The following SCRN1 variants were observed in gnomAD, a reference collection of about 807,000 sequenced individuals.
SCRN1 encodes the protein secernin 1.
SCRN1 carries 19 observed loss-of-function variants against 43.3 expected under a neutral mutation model. The ratio of observed to expected loss-of-function variants is 0.44; its 90% CI spans 0.31 to 0.64. The LOEUF is 0.64. Among genes scored for constraint, SCRN1 ranks in the 30% least tolerant of loss-of-function variants. The pLI is 0.09. For synonymous variants in SCRN1, 183 were observed against 188.9 expected, an observed-to-expected ratio of 0.97 and a Z score of 0.26; for missense variants, 447 against 524.1, an observed-to-expected ratio of 0.85 and a Z score of 1.44.
intron 1 of SCRN1, among the ~76,000 whole-genome samples, chr7:29,984,204 C>CAAAAAA (rs55733700): frequency 5.1e-5 from 5 of 98,248 alleles, no homozygotes; most frequent in East Asian, 3.4e-4. Flanking sequence ...AGACAGTCTC[C>CAAAAAA]AAAAAAAAAA....
At chr7:29,929,127 C>T (rs905137246) in intron 6 of SCRN1, among the ~76,000 whole-genome samples, 4 of 152,232 alleles carry the variant, frequency 2.6e-5, no homozygotes, top group African/African-American at 9.6e-5. Flanking sequence ...CGCATGTCAC[C>T]TCAGCAGCAT....
chr7:29,979,154 G>C (rs1283250839), intron 1 of SCRN1, among the ~76,000 whole-genome samples: 1 of 152,120 alleles, frequency 6.6e-6, no homozygotes, highest in African/African-American at 2.4e-5. Context: ...CACAAGGTCA[G>C]GAGTTCGAGA....
At chr7:29,936,862 C>T (rs902537498) in intron 5 of SCRN1, 141 bp from the exon 6 acceptor site, 4 of 483,842 alleles carry the variant, frequency 8.3e-6, no homozygotes, top group South Asian at 5.8e-5. Context: ...CTGCATAACA[C>T]GGTGAAACCC....
At chr7:29,990,008 G>A (rs1009318272), upstream of SCRN1, 3 of 1,438,320 alleles carry the variant, frequency 2.1e-6, no homozygotes, top group Admixed American at 2.6e-5. Context: ...GCCGCAGAAA[G>A]TGGCCCCCTC....
At position 29,950,246 on chromosome 7, in the gene SCRN1, G is replaced by C. The variant is rs193003298; in HGVS notation, c.341+4933C>G. On this transcript the variant is annotated intron_variant, in intron 3 of 7. Coordinates refer to ENST00000242059, the MANE Select transcript of SCRN1 (RefSeq NM_014766.5). This position sits in a 1 kb window ranked among gnomAD's most constrained non-coding sequence, Gnocchi z 4.5. Reference sequence around the variant, plus strand: ...CAGAGCAAAGTTGTGGCTGAGCCCAGGTGCTATTGCAACCTGGCTGGGTGT... The same window carrying C: ...CAGAGCAAAGTTGTGGCTGAGCCCACGTGCTATTGCAACCTGGCTGGGTGT... Among the ~76,000 whole-genome samples the C allele has an allele frequency of 1.3e-5, 2 of 152,320 alleles. No homozygotes were observed. Among genetic ancestry groups the C allele is most frequent in the Admixed American group, 1.3e-4 (2 of 15,306 alleles).
chr7:29,934,370 C>T (rs1165035161), intron 6 of SCRN1, among the ~76,000 whole-genome samples: 1 of 152,168 alleles, frequency 6.6e-6, no homozygotes, highest in East Asian at 1.9e-4. Context: ...GTCTCCTGAG[C>T]ACAGTTAGAG....
intron 3 of SCRN1, among the ~76,000 whole-genome samples, chr7:29,949,498 C>G (rs1787847708): frequency 6.6e-6 from 1 of 151,118 alleles, no homozygotes; most frequent in Non-Finnish European, 1.5e-5. Flanking sequence ...CCACCTCAGC[C>G]TCCCAAGTAG....
chr7:29,948,847 T>G (rs756705682), intron 3 of SCRN1, among the ~76,000 whole-genome samples: 41 of 152,108 alleles, frequency 2.7e-4, no homozygotes, highest in Non-Finnish European at 4.1e-4. Flanking sequence ...ACAGTGGGAG[T>G]ATTTACACCA....
At chr7:29,982,454 AG>A (rs11356736) in intron 1 of SCRN1, among the ~76,000 whole-genome samples, 23,013 of 152,018 alleles carry the variant, frequency 0.15, 1,830 homozygotes, top group African/African-American at 0.19. Flanking sequence ...CTGAGACAGC[AG>A]GATCAGTTGG....
rs1788461391 is a variant in SCRN1, at chr7:29,965,603, G to A, written c.159+3306C>T. ...GAAATGAATTTGCTTTCTTACCCGT[G>A]AGGTTATTTCACCTGCAGAATATGC... On this transcript the variant is annotated intron_variant, in intron 2 of 7. Transcript: ENST00000242059. The surrounding 1 kb of genome is among the most constrained non-coding windows in gnomAD (Gnocchi z 4.2). 1.3e-5 allele frequency among the ~76,000 whole-genome samples: 2 copies of A among 152,310 alleles called. No individual in the cohort carries two copies. The highest frequency in any genetic ancestry group is 4.1e-4 in the South Asian group (2 of 4,828).
intron 2 of SCRN1, among the ~76,000 whole-genome samples, chr7:29,968,155 A>G (rs1431495200): frequency 6.6e-6 from 1 of 152,246 alleles, no homozygotes; most frequent in Non-Finnish European, 1.5e-5. Context: ...GAGACCAGAC[A>G]CTATGACAGA....
chr7:29,924,842 T>C (rs2128085293), intron 7 of SCRN1, among the ~76,000 whole-genome samples: 1 of 152,294 alleles, frequency 6.6e-6, no homozygotes, highest in South Asian at 2.1e-4. Flanking sequence ...CAGTGAAAGC[T>C]TTCATTTGCC....
In SCRN1 at chr7:29,950,292, T is replaced by C. The variant is rs539288139; in HGVS notation, c.341+4887A>G. 6.6e-6 allele frequency among the ~76,000 whole-genome samples: 1 copy of C among 152,306 alleles called. No homozygotes were observed. Among genetic ancestry groups the C allele is most frequent in the South Asian group, 2.1e-4 (1 of 4,830 alleles). ...GGTGTGCACATGCTTAGGGTGGTGC[T>C]GACACACCAGCCCCCTGCCGCCTCG... On this transcript the variant is annotated intron_variant, in intron 3 of 7. Coordinates refer to ENST00000242059, the MANE Select transcript of SCRN1 (RefSeq NM_014766.5). The surrounding 1 kb of genome is among the most constrained non-coding windows in gnomAD (Gnocchi z 4.5).
At chr7:29,977,460 T>C (rs1257233311) in intron 1 of SCRN1, among the ~76,000 whole-genome samples, 2 of 152,318 alleles carry the variant, frequency 1.3e-5, no homozygotes, top group East Asian at 3.9e-4. Flanking sequence ...GAAATAGGAA[T>C]AAATGAAGTG....
At position 29,921,383 on chromosome 7, in the gene SCRN1, G is replaced by C. The variant is rs1786751755; in HGVS notation, c.*2574C>G. On this transcript the variant is annotated 3_prime_UTR_variant, in exon 8 of 8. Transcript: ENST00000242059. ...AAATCTGTTAGGAACATTTAAAAAT[G>C]AACATTCCTCACTATAACAGCCTGC... The C allele has an allele frequency of 6.6e-6, 1 of 152,170 alleles. No homozygotes were observed. Among genetic ancestry groups the C allele is most frequent in the Admixed American group, 6.5e-5 (1 of 15,282 alleles). 9.4% of individuals were successfully genotyped at this position (152,170 alleles called of 1,614,324 possible). A position where few individuals can be genotyped will look rare whatever the true frequency, so the allele number is the denominator to read the frequency against.
In SCRN1 at chr7:29,924,110, T is replaced by C. The variant is rs955288043; in HGVS notation, c.1092A>G (p.Gln364=). 1.2e-6 allele frequency: 2 copies of C among 1,610,366 alleles called. No homozygotes were observed. Among genetic ancestry groups the C allele is most frequent in the Non-Finnish European group, 1.7e-6 (2 of 1,178,938 alleles). ...GCATGGTGCTCCTCAGCTTGCGACC[T>C]TGCTCCTGAGGAAGGACACGACTGC... ...ARAIIESDQE[Q]GRKLRSTMLE... The change falls in exon 8 of 8, where the codon CAA becomes CAG. Residue 364 remains glutamine (Q), a synonymous_variant. Coordinates refer to ENST00000242059, the MANE Select transcript of SCRN1 (RefSeq NM_014766.5).
intron 2 of SCRN1, among the ~76,000 whole-genome samples, chr7:29,963,956 C>T (rs1180058655): frequency 6.6e-6 from 1 of 152,098 alleles, no homozygotes; most frequent in Non-Finnish European, 1.5e-5. Context: ...GCTGCATTCA[C>T]ACAAAACAAT....
At chr7:29,930,478 T>C (rs943939531) in intron 6 of SCRN1, among the ~76,000 whole-genome samples, 1 of 152,246 alleles carries the variant, frequency 6.6e-6, no homozygotes, top group African/African-American at 2.4e-5. Context: ...TAAATGCTAC[T>C]TGAATGAACA....
chr7:29,970,562 G>T (rs1490302316), intron 1 of SCRN1, among the ~76,000 whole-genome samples: 1 of 152,082 alleles, frequency 6.6e-6, no homozygotes, highest in Non-Finnish European at 1.5e-5. Context: ...TCATTATTTA[G>T]TCTCTCCCAG....
Sources: gnomAD v4.1 joint callset for allele counts (sites outside exome capture counted in the v4.1 genomes callset) on GRCh38, gnomAD v4.1.1 for gene constraint, Gnocchi (gnomAD v3.1) non-coding constraint, MANE v1.5 for transcripts, NCBI Gene and HGNC (gene_info 2026-07-23, HGNC 2026-07-21) for gene names.